The following CELF2 variants were observed in gnomAD, a reference collection of about 807,000 sequenced individuals.
CELF2 encodes CUG triplet repeat RNA-binding protein 2.
A neutral mutation model predicts 62.6 loss-of-function variants in CELF2; 8 were observed. The observed-to-expected ratio is 0.13, with a 90% CI of 0.07 to 0.23. The LOEUF is 0.23. Among genes scored for constraint, CELF2 ranks in the 10% least tolerant of loss-of-function variants. CELF2 has a pLI of 1.00. For missense variants in CELF2, 333 were observed against 671.0 expected (o/e 0.50, Z 5.56); for synonymous variants, 258 against 250.0 (o/e 1.03, Z -0.30).
intron 2 of CELF2, among the ~76,000 whole-genome samples, chr10:11,212,613 C>T (rs1417812651): frequency 6.6e-6 from 1 of 152,162 alleles, no homozygotes; most frequent in Middle Eastern, 3.2e-3. Flanking sequence ...GTTCTGGGCT[C>T]ACCTCTCCCG....
chr10:10,789,749 T>C, the CELF2 span, among the ~76,000 whole-genome samples: 3 of 152,170 alleles, frequency 2.0e-5, no homozygotes, highest in Admixed American at 6.5e-5. Flanking sequence ...CATTTGAATT[T>C]CTTCCTCCAT....
chr10:11,292,251 A>T lies in CELF2; in HGVS notation c.976+3699A>T, dbSNP rs75316033. On this transcript the variant is annotated intron_variant, in intron 9 of 12. Transcript: ENST00000633077. The stretch of plus-strand genomic sequence containing the variant: ...AAATGGTGACACTTCCTCTTTGACT[A>T]TCTGAGGGTAACAGAGATTGGAGTG... Among the ~76,000 whole-genome samples the T allele has an allele frequency of 6.8e-3, 1,039 of 152,298 alleles. 11 individuals are homozygous for T. Among genetic ancestry groups the T allele is most frequent in the African/African-American group, 0.024 (979 of 41,550 alleles).
At chr10:10,918,580 A>G (rs1249933186) in intron 1 of CELF2, among the ~76,000 whole-genome samples, 1 of 152,198 alleles carries the variant, frequency 6.6e-6, no homozygotes, top group Non-Finnish European at 1.5e-5. Flanking sequence ...GGGAGTTCTA[A>G]TAGCTGGGAG....
intron 1 of CELF2, among the ~76,000 whole-genome samples, chr10:10,876,621 G>C (rs1042186331): frequency 1.3e-5 from 2 of 152,098 alleles, no homozygotes; most frequent in Non-Finnish European, 2.9e-5. Flanking sequence ...ATGTCTGCAG[G>C]ACAAAGATGT....
the CELF2 span, among the ~76,000 whole-genome samples, chr10:10,634,194 T>TTTTCTATGA: frequency 1.3e-5 from 2 of 152,168 alleles, no homozygotes; most frequent in African/African-American, 4.8e-5. Flanking sequence ...ATGAACATAG[T>TTTTCTATGA]ACATTTTTTA....
At chr10:10,749,077 A>C in the CELF2 span, among the ~76,000 whole-genome samples, 1 of 152,224 alleles carries the variant, frequency 6.6e-6, no homozygotes, top group African/African-American at 2.4e-5. Context: ...AGCAGGAATT[A>C]AGAGTTCACT....
chr10:11,048,825 A>G (rs1564515538), intron 1 of CELF2, among the ~76,000 whole-genome samples: 1 of 152,214 alleles, frequency 6.6e-6, no homozygotes, highest in Non-Finnish European at 1.5e-5. Context: ...AAAACTCCAA[A>G]GTGTGTGTGC....
chr10:10,904,941 C>G (rs900166515), intron 1 of CELF2, among the ~76,000 whole-genome samples: 74 of 152,192 alleles, frequency 4.9e-4, no homozygotes, highest in African/African-American at 1.8e-3. Context: ...CTCATTTCGT[C>G]CTTTAGATAA....
intron 2 of CELF2, among the ~76,000 whole-genome samples, chr10:11,190,556 T>G (rs933035911): frequency 6.6e-6 from 1 of 151,678 alleles, no homozygotes; most frequent in Non-Finnish European, 1.5e-5. Context: ...GTTCAAGAAA[T>G]GGCTGTTTAA....
the CELF2 span, among the ~76,000 whole-genome samples, chr10:10,633,713 T>C: frequency 7.3e-6 from 1 of 137,532 alleles, no homozygotes; most frequent in East Asian, 2.0e-4. Flanking sequence ...ATGTCTGTTA[T>C]AGTATTTTAA....
intron 1 of CELF2, among the ~76,000 whole-genome samples, chr10:11,119,543 G>A (rs955618570): frequency 6.6e-6 from 1 of 152,158 alleles, no homozygotes; most frequent in Non-Finnish European, 1.5e-5. Flanking sequence ...GAATAAATGT[G>A]TCATTCAGAA....
intron 1 of CELF2, among the ~76,000 whole-genome samples, chr10:11,065,794 G>T (rs575447433): frequency 1.6e-4 from 24 of 152,134 alleles, no homozygotes; most frequent in Admixed American, 2.6e-4. Context: ...AGGGTGAGGG[G>T]TAGGAATAGA....
Position 11,008,943 on chromosome 10 carries a change from G to A in CELF2, c.53+3503G>A, listed in dbSNP as rs2055840478. Among the ~76,000 whole-genome samples the A allele has an allele frequency of 7.3e-6, 1 of 136,196 alleles. No homozygotes were observed. The highest frequency in any genetic ancestry group is 1.5e-5 in the Non-Finnish European group (1 of 65,584). The allele number at this position is 136,196 out of a possible 152,430, so 89.3% of individuals were successfully genotyped here. The stretch of plus-strand genomic sequence containing the variant: ...ATTCAGTGGCAATAATGCCTTCTTG[G>A]GTCACCTTTATTAGCCTTCACTGAA... On this transcript the variant is annotated intron_variant, in intron 1 of 12. Transcript: ENST00000416382. The surrounding 1 kb of genome is among the most constrained non-coding windows in gnomAD (Gnocchi z 4.5).
At chr10:11,009,004 G>A (rs1427060227) in intron 1 of CELF2, among the ~76,000 whole-genome samples, 3 of 24,034 alleles carry the variant, frequency 1.2e-4, no homozygotes, top group Admixed American at 5.8e-4. Context: ...TGGGGAATTT[G>A]CGGGGGGGGG....
At chr10:10,591,956 T>C in the CELF2 span, among the ~76,000 whole-genome samples, 1 of 152,224 alleles carries the variant, frequency 6.6e-6, no homozygotes, top group South Asian at 2.1e-4. Context: ...ATTGGATATG[T>C]ATTTGTTTCA....
In CELF2 at chr10:11,331,569, ATTT is replaced by A. The variant is rs907894529; in HGVS notation, c.*2518_*2520del. On this transcript the variant is annotated 3_prime_UTR_variant, in exon 13 of 13. Transcript: ENST00000633077. ...TGAGAAGTAATTTGATAACATGGGT[ATTT>A]TATTATGTGTTTTGTATAAATCCCT... 2.0e-5 allele frequency: 3 copies of A among 152,128 alleles called. No individual in the cohort carries two copies. Among genetic ancestry groups the A allele is most frequent in the African/African-American group, 7.3e-5 (3 of 41,340 alleles). The allele number at this position is 152,128 out of a possible 1,614,324, so 9.4% of individuals were successfully genotyped here.
chr10:10,698,066 G>A, the CELF2 span, among the ~76,000 whole-genome samples: 1 of 152,148 alleles, frequency 6.6e-6, no homozygotes, highest in East Asian at 1.9e-4. Flanking sequence ...AGAAGAGTAG[G>A]TTTTAACATA....
chr10:10,617,442 A>G, the CELF2 span, among the ~76,000 whole-genome samples: 17,751 of 152,158 alleles, frequency 0.12, 1,949 homozygotes, highest in African/African-American at 0.28. Context: ...AGGTTCAGCA[A>G]AGGAATGACA....
At chr10:11,023,790 C>T (rs1003507078) in intron 1 of CELF2, among the ~76,000 whole-genome samples, 3 of 152,326 alleles carry the variant, frequency 2.0e-5, no homozygotes, top group Non-Finnish European at 2.9e-5. Context: ...ATTGGCCGTG[C>T]CAACCTGGAG....
Sources: allele counts gnomAD v4.1 joint callset (sites outside exome capture counted in the v4.1 genomes callset), GRCh38; gene constraint gnomAD v4.1.1; non-coding constraint Gnocchi (gnomAD v3.1); transcripts MANE v1.5; gene names NCBI Gene and HGNC (gene_info 2026-07-23, HGNC 2026-07-21).